The following SPPL2A variants were observed in gnomAD, a reference collection of about 807,000 sequenced individuals.
SPPL2A encodes the protein signal peptide peptidase like 2A.
A neutral mutation model predicts 63.8 loss-of-function variants in SPPL2A; 51 were observed. That is an observed-to-expected ratio of 0.80 (90% CI 0.64 to 1.01). The LOEUF (loss-of-function observed/expected upper bound fraction) is 1.01. Ranked by LOEUF, SPPL2A falls within the 50% of genes least tolerant of loss-of-function variation. The pLI, the probability that SPPL2A is intolerant of heterozygous loss-of-function variation, is 0.00. For missense variants in SPPL2A, 553 were observed against 622.7 expected (o/e 0.89, Z 1.19); for synonymous variants, 188 against 205.8 (o/e 0.91, Z 0.74).
intron 12 of SPPL2A, 57 bp from the exon 13 acceptor site, chr15:50,722,258 A>G: frequency 4.3e-6 from 4 of 936,976 alleles, no homozygotes; most frequent in South Asian, 3.9e-5. Context: ...TGCAAATTCA[A>G]TTGTTAACAA....
At chr15:50,743,061 CAGG>C (rs1034411075) in intron 5 of SPPL2A, 4 of 152,414 alleles carry the variant, frequency 2.6e-5, no homozygotes, top group Admixed American at 6.6e-5. Context: ...TGCCTGAGCT[CAGG>C]AGTTCGAAAC....
chr15:50,754,850 C>G (rs1474804269), intron 1 of SPPL2A, among the ~76,000 whole-genome samples: 1 of 152,024 alleles, frequency 6.6e-6, no homozygotes, highest in East Asian at 1.9e-4. Flanking sequence ...GGCATGGTGG[C>G]CCACACCTGT....
At chr15:50,729,279 T>C (rs148129974) in intron 10 of SPPL2A, among the ~76,000 whole-genome samples, 7 of 152,348 alleles carry the variant, frequency 4.6e-5, no homozygotes, top group African/African-American at 9.6e-5. Flanking sequence ...TTATAACCCA[T>C]AATACTAGTT....
chr15:50,728,525 T>A (rs1283597564), intron 10 of SPPL2A, among the ~76,000 whole-genome samples: 2 of 151,888 alleles, frequency 1.3e-5, no homozygotes, highest in Non-Finnish European at 2.9e-5. Context: ...TTTCTATTTT[T>A]TTAGTAGAGA....
At chr15:50,749,261 G>GT (rs1393882476) in intron 2 of SPPL2A, among the ~76,000 whole-genome samples, 3 of 151,738 alleles carry the variant, frequency 2.0e-5, no homozygotes, top group African/African-American at 7.3e-5. Context: ...AGGGTTACAG[G>GT]TATCAGCCAT....
intron 1 of SPPL2A, among the ~76,000 whole-genome samples, chr15:50,761,014 GT>G: frequency 6.6e-6 from 1 of 151,986 alleles, no homozygotes; most frequent in Non-Finnish European, 1.5e-5. Context: ...GTGTGTGTGT[GT>G]GTGTGTGTTT....
chr15:50,763,184 T>A (rs373531430), intron 1 of SPPL2A, among the ~76,000 whole-genome samples: 7 of 152,132 alleles, frequency 4.6e-5, no homozygotes, highest in East Asian at 1.9e-4. Context: ...GAGAAAATGG[T>A]AGAAGACTTC....
intron 8 of SPPL2A, among the ~76,000 whole-genome samples, chr15:50,735,327 C>T (rs11855370): frequency 0.25 from 38,014 of 151,890 alleles, 5,714 homozygotes; most frequent in East Asian, 0.54. Flanking sequence ...GTAAATATAA[C>T]GTAATGTATT....
intron 12 of SPPL2A, among the ~76,000 whole-genome samples, chr15:50,722,435 G>T (rs2062655847): frequency 6.6e-6 from 1 of 152,082 alleles, no homozygotes; most frequent in South Asian, 2.1e-4. Context: ...TTTATCAGCT[G>T]CTCAATATTC....
chr15:50,733,104 C>T (rs1408680775), intron 8 of SPPL2A, among the ~76,000 whole-genome samples: 2 of 152,152 alleles, frequency 1.3e-5, no homozygotes, highest in African/African-American at 4.8e-5. Context: ...GAACATATAT[C>T]AGACATAAGT....
At chr15:50,720,486 T>G (rs1039066313) in intron 13 of SPPL2A, among the ~76,000 whole-genome samples, 3 of 152,062 alleles carry the variant, frequency 2.0e-5, no homozygotes, top group African/African-American at 7.2e-5. Flanking sequence ...CTTCCTAAGC[T>G]TTGTTAATAA....
Position 50,739,710 on chromosome 15 carries a change from C to A in SPPL2A, c.703G>T (p.Val235Phe). The stretch of plus-strand genomic sequence containing the variant: ...CATTTGTAGAAGAAATAAAGTAAGA[C>A]CATCATAACACAGCAGATGACCACA... ...IFVVICCVMM[V>F]LLYFFYKWLV... is the part of the protein sequence containing the mutation. The change falls in exon 6 of 15, where the codon GTC (valine) becomes TTC (phenylalanine). Residue 235 changes from valine to phenylalanine, a missense_variant. Physicochemically the swap from Val to Phe is conservative, Grantham distance 50. Transcript: ENST00000261854. 1 of 1,590,792 alleles carries A rather than the reference C, an allele frequency of 6.3e-7. No individual in the cohort carries two copies. The highest frequency in any genetic ancestry group is 8.5e-7 in the Non-Finnish European group (1 of 1,172,202).
intron 1 of SPPL2A, among the ~76,000 whole-genome samples, chr15:50,758,016 C>T (rs1283474722): frequency 7.8e-5 from 11 of 140,566 alleles, no homozygotes; most frequent in African/African-American, 1.8e-4. Flanking sequence ...AGGCCGGGCG[C>T]GGTGGCTCAC....
Position 50,736,742 on chromosome 15 carries a change from T to C in SPPL2A, c.734-2A>G, listed in dbSNP as rs1312601185. 2.0e-6 allele frequency: 3 copies of C among 1,531,326 alleles called. No individual in the cohort carries two copies. Among genetic ancestry groups the C allele is most frequent in the Admixed American group, 1.7e-5 (1 of 58,918 alleles). 94.9% of individuals were successfully genotyped at this position (1,531,326 alleles called of 1,614,324 possible). A position where few individuals can be genotyped will look rare whatever the true frequency, so the allele number is the denominator to read the frequency against. ...AGAAAATTGCTATCATAACATAAAC[T>C]GAAAAAAACAAAACACTAAATTACA... On this transcript the variant is annotated splice_acceptor_variant, in intron 6 of 14. Coordinates refer to ENST00000261854, the MANE Select transcript of SPPL2A (RefSeq NM_032802.4). LOFTEE classifies it high-confidence loss of function.
chr15:50,720,161 C>T, intron 13 of SPPL2A, 61 bp from the exon 14 acceptor site: 1 of 1,382,512 alleles, frequency 7.2e-7, no homozygotes, highest in Non-Finnish European at 9.9e-7. Flanking sequence ...GGGTTTTTTC[C>T]TCTGTCATTT....
At chr15:50,747,738 C>A in intron 4 of SPPL2A, 110 bp from the exon 5 acceptor site, 1 of 734,108 alleles carries the variant, frequency 1.4e-6, no homozygotes, top group Non-Finnish European at 2.3e-6. Flanking sequence ...ATCAGACAGT[C>A]AAGAAGACTA....
intron 5 of SPPL2A, 74 bp from the exon 6 acceptor site, chr15:50,739,902 A>AT (rs1419008596): frequency 1.2e-6 from 1 of 844,920 alleles, no homozygotes; most frequent in Non-Finnish European, 1.7e-6. Flanking sequence ...TCTAACACCA[A>AT]TTTAAATCTG....
At chr15:50,752,160 T>C (rs1031677546) in intron 1 of SPPL2A, among the ~76,000 whole-genome samples, 2 of 152,094 alleles carry the variant, frequency 1.3e-5, no homozygotes, top group Admixed American at 6.6e-5. Context: ...AGCTTTACTC[T>C]CTCCCCTACC....
At chr15:50,757,269 A>T (rs1268725489) in intron 1 of SPPL2A, among the ~76,000 whole-genome samples, 1 of 151,800 alleles carries the variant, frequency 6.6e-6, no homozygotes, top group Non-Finnish European at 1.5e-5. Context: ...TTTTTAATAG[A>T]GACGGAGTTT....
Sources: allele counts gnomAD v4.1 joint callset (sites outside exome capture counted in the v4.1 genomes callset), GRCh38; gene constraint gnomAD v4.1.1; transcripts MANE v1.5; gene names NCBI Gene and HGNC (gene_info 2026-07-23, HGNC 2026-07-21).